Variants in ADCY8 observed in about 807,000 individuals in gnomAD.
ADCY8 encodes the protein adenylate cyclase type 8.
A neutral mutation model predicts 119.7 loss-of-function variants in ADCY8; 51 were observed. The ratio of observed to expected loss-of-function variants is 0.43; its 90% CI spans 0.34 to 0.54. ADCY8 has a LOEUF of 0.54. ADCY8 is among the 20% of genes least tolerant of loss of function. The pLI is 0.03. For missense variants in ADCY8, 1,383 were observed against 1,598.8 expected (o/e 0.87, Z 2.30); for synonymous variants, 665 against 651.0 (o/e 1.02, Z -0.33).
intron 12 of ADCY8, among the ~76,000 whole-genome samples, chr8:130,822,077 A>T (rs996955574): frequency 1.3e-5 from 2 of 152,202 alleles, no homozygotes; most frequent in African/African-American, 4.8e-5. Flanking sequence ...AGAGATGAAG[A>T]AGGCATGTTG....
chr8:130,884,725 G>T lies in ADCY8; in HGVS notation c.1948C>A (p.Leu650Ile), dbSNP rs762851602. ...AALTRNSINL[L>I]PNHLAQALHV... The stretch of plus-strand genomic sequence containing the variant: ...AAAGCTTGTGCAAGATGGTTTGGAA[G>T]CAGATTTATTGAATTTCTTGTTAGG... The change falls in exon 8 of 18, where the codon CTT becomes ATT. Residue 650 changes from leucine to isoleucine, a missense_variant. Leu to Ile is a conservative substitution (Grantham distance 5, BLOSUM62 2). Around this residue, in one of 2 missense-constraint regions of ADCY8, gnomAD observed 928 missense variants for 1,163.5 expected, o/e 0.80. Transcript: ENST00000286355. 1.2e-6 allele frequency: 2 copies of T among 1,613,866 alleles called. No homozygotes were observed. Among genetic ancestry groups the T allele is most frequent in the Non-Finnish European group, 8.5e-7 (1 of 1,179,790 alleles).
At chr8:130,822,522 C>G (rs1419346112) in intron 12 of ADCY8, among the ~76,000 whole-genome samples, 1 of 141,374 alleles carries the variant, frequency 7.1e-6, no homozygotes, top group Admixed American at 7.3e-5. Flanking sequence ...ATCCATGAAT[C>G]CATGAATCCA....
chr8:131,001,276 T>C (rs1217915994), intron 1 of ADCY8, among the ~76,000 whole-genome samples: 1 of 152,016 alleles, frequency 6.6e-6, no homozygotes, highest in African/African-American at 2.4e-5. Flanking sequence ...CTCAGGGGTG[T>C]CTGGAATCTG....
chr8:131,026,141 C>T (rs764742509), intron 1 of ADCY8, among the ~76,000 whole-genome samples: 4 of 152,170 alleles, frequency 2.6e-5, no homozygotes, highest in Admixed American at 6.5e-5. Context: ...TGTTAAAATG[C>T]TAACCCTAAG....
In ADCY8 at chr8:130,814,271, G is replaced by A. The variant is rs778705912; in HGVS notation, c.2755-44C>T. On this transcript the variant is annotated intron_variant, in intron 13 of 17. Transcript: ENST00000286355. ...AAAGAGGAGAATGAGGTAAACTTCT[G>A]AGGTGTAGGCTTCAGGCACAGACAA... The A allele has an allele frequency of 9.3e-6, 15 of 1,605,562 alleles. No homozygotes were observed. In the East Asian group the frequency reaches 3.3e-4, roughly 36 times the overall value.
chr8:130,928,819 G>T (rs1820546772), intron 5 of ADCY8, among the ~76,000 whole-genome samples: 1 of 152,138 alleles, frequency 6.6e-6, no homozygotes, highest in African/African-American at 2.4e-5. Flanking sequence ...AATGAGGGTG[G>T]AAACAGTTTT....
In ADCY8 at chr8:131,040,393, C is replaced by T. The variant is rs1304288028; in HGVS notation, c.-60G>A. ...TGGGGAGGCAGCCGGAGGAGGGGTT[C>T]CTAAAGACTCAAAGGCGGCCTGGTA... On this transcript the variant is annotated 5_prime_UTR_variant, in exon 1 of 18. Coordinates refer to ENST00000286355, the MANE Select transcript of ADCY8 (RefSeq NM_001115.3). 3 of 1,426,948 alleles carry T rather than the reference C, an allele frequency of 2.1e-6. No homozygotes were observed. In the African/African-American group the frequency reaches 4.4e-5, roughly 21 times the overall value. The allele number at this position is 1,426,948 out of a possible 1,614,324, so 88.4% of individuals were successfully genotyped here. A position where few individuals can be genotyped will look rare whatever the true frequency, so the allele number is the denominator to read the frequency against.
At chr8:130,939,605 G>C (rs2130630660) in intron 4 of ADCY8, among the ~76,000 whole-genome samples, 1 of 152,322 alleles carries the variant, frequency 6.6e-6, no homozygotes, top group South Asian at 2.1e-4. Flanking sequence ...CTAAGAATCT[G>C]ACATCTGCAT....
Position 130,963,093 on chromosome 8 carries a change from C to T in ADCY8, c.1111-11095G>A, listed in dbSNP as rs184807967. On this transcript the variant is annotated intron_variant, in intron 2 of 17. Coordinates refer to ENST00000286355, the MANE Select transcript of ADCY8 (RefSeq NM_001115.3). ...CATTTGGTAAGTGCGTAGTGAAGAC[C>T]CAAGCCCGTGTTTTTCTTTCTTTTT... Among the ~76,000 whole-genome samples the T allele has an allele frequency of 2.8e-3, 426 of 151,322 alleles. 2 individuals are homozygous for T. The highest frequency in any genetic ancestry group is 7.0e-3 in the Middle Eastern group (2 of 286).
intron 12 of ADCY8, among the ~76,000 whole-genome samples, chr8:130,835,680 T>G (rs1000002124): frequency 3.3e-5 from 5 of 152,166 alleles, no homozygotes; most frequent in Non-Finnish European, 5.9e-5. Flanking sequence ...TCAAGTCCCT[T>G]ATATAAAATG....
chr8:130,933,554 C>G (rs948799335), intron 5 of ADCY8, among the ~76,000 whole-genome samples: 1 of 152,160 alleles, frequency 6.6e-6, no homozygotes, highest in African/African-American at 2.4e-5. Flanking sequence ...TTCTTGCTAA[C>G]TAGAATAATT....
intron 13 of ADCY8, among the ~76,000 whole-genome samples, chr8:130,819,182 A>T (rs1268816049): frequency 6.6e-6 from 1 of 152,220 alleles, no homozygotes; most frequent in Non-Finnish European, 1.5e-5. Context: ...ACTAAGTGGC[A>T]GAGTTGGGGT....
chr8:130,860,063 G>C (rs547140834), intron 9 of ADCY8, among the ~76,000 whole-genome samples: 3 of 152,046 alleles, frequency 2.0e-5, no homozygotes, highest in South Asian at 2.1e-4. Flanking sequence ...CCAGCAAATG[G>C]TATTGACAGT....
In ADCY8 at chr8:130,924,480, T is replaced by G. The variant is rs115675354; in HGVS notation, c.1481+12593A>C. On this transcript the variant is annotated intron_variant, in intron 5 of 17. Transcript: ENST00000286355. The stretch of plus-strand genomic sequence containing the variant: ...AAGTAAAAATGCTGTATAAACAGCA[T>G]ACTTTTTACAAATGGTAGTTGTCTT... Among the ~76,000 whole-genome samples the G allele has an allele frequency of 3.8e-3, 572 of 152,312 alleles. 6 individuals are homozygous for G. Among genetic ancestry groups the G allele is most frequent in the African/African-American group, 0.012 (517 of 41,574 alleles).
chr8:130,821,522 A>G, intron 12 of ADCY8, 102 bp from the exon 13 acceptor site: 1 of 813,014 alleles, frequency 1.2e-6, no homozygotes, highest in South Asian at 1.5e-5. Context: ...AAAAAAACAC[A>G]CATCTTTTCA....
chr8:130,968,824 G>A (rs1037863677), intron 2 of ADCY8, among the ~76,000 whole-genome samples: 1 of 152,220 alleles, frequency 6.6e-6, no homozygotes, highest in African/African-American at 2.4e-5. Flanking sequence ...TTAGTCAAAT[G>A]TGAGGAATAA....
chr8:130,830,743 C>A (rs567677331), intron 12 of ADCY8, among the ~76,000 whole-genome samples: 2 of 152,224 alleles, frequency 1.3e-5, no homozygotes, highest in Non-Finnish European at 1.5e-5. Flanking sequence ...CCCAGCACAT[C>A]ACCTACAAGG....
chr8:130,848,301 T>A (rs1437581423), intron 10 of ADCY8, among the ~76,000 whole-genome samples: 1 of 152,170 alleles, frequency 6.6e-6, no homozygotes, highest in African/African-American at 2.4e-5. Context: ...TACTTACAAA[T>A]TCTGCACCCC....
intron 15 of ADCY8, among the ~76,000 whole-genome samples, chr8:130,788,186 C>T (rs908736283): frequency 6.6e-6 from 1 of 152,150 alleles, no homozygotes; most frequent in Non-Finnish European, 1.5e-5. Context: ...GCAGACATTC[C>T]TTTGGCATAT....
Sources: allele counts gnomAD v4.1 joint callset (sites outside exome capture counted in the v4.1 genomes callset), GRCh38; gene constraint gnomAD v4.1.1; regional missense constraint gnomAD v4.1.1; transcripts MANE v1.5; gene names NCBI Gene and HGNC (gene_info 2026-07-23, HGNC 2026-07-21).